The following CHLSN variants were observed in gnomAD, a reference collection of about 807,000 sequenced individuals.
The protein encoded by CHLSN is protein cholesin.
chr7:1,020,241 G>A, the CHLSN span, among the ~76,000 whole-genome samples: 3 of 152,186 alleles, frequency 2.0e-5, no homozygotes, highest in Admixed American at 6.5e-5. Flanking sequence ...GTGAACACGC[G>A]CTGCAGCCTC....
the CHLSN span, among the ~76,000 whole-genome samples, chr7:987,945 CTG>C: frequency 0.029 from 4,004 of 136,142 alleles, 161 homozygotes; most frequent in African/African-American, 0.096. Context: ...GGGGGGTCCC[CTG>C]TGTGTCCTGG....
the CHLSN span, chr7:1,028,177 C>A: frequency 2.1e-6 from 2 of 944,610 alleles, no homozygotes. Flanking sequence ...GCCCACCTGT[C>A]GCCGCGGGGC....
At chr7:1,040,904 A>ACGTG in the CHLSN span, among the ~76,000 whole-genome samples, 1 of 152,256 alleles carries the variant, frequency 6.6e-6, no homozygotes, top group Non-Finnish European at 1.5e-5. Flanking sequence ...GCAAAGGCAG[A>ACGTG]CGTGCCGGCT....
the CHLSN span, among the ~76,000 whole-genome samples, chr7:1,086,624 G>A: frequency 5.3e-5 from 8 of 152,304 alleles, no homozygotes; most frequent in East Asian, 1.4e-3. Context: ...GAGTGCCCCT[G>A]GAGGCCCAGC....
chr7:1,059,904 A>AGGCAGGTCTTAGTGG, the CHLSN span, among the ~76,000 whole-genome samples: 1 of 21,912 alleles, frequency 4.6e-5, no homozygotes, highest in African/African-American at 1.9e-4. Context: ...GGTCTTAGTG[A>AGGCAGGTCTTAGTGG]GGCGGGTCTT....
chr7:985,459 G>A, the CHLSN span: 14 of 1,040,530 alleles, frequency 1.3e-5, no homozygotes, highest in Non-Finnish European at 1.9e-5. Flanking sequence ...CAGATGCAAG[G>A]GCCTGAATCA....
the CHLSN span, among the ~76,000 whole-genome samples, chr7:1,111,654 G>T: frequency 5.3e-5 from 8 of 152,168 alleles, no homozygotes; most frequent in African/African-American, 1.7e-4. Flanking sequence ...ACAAAATTTA[G>T]CTGGGCATGG....
the CHLSN span, among the ~76,000 whole-genome samples, chr7:1,131,910 G>A: frequency 1.3e-5 from 2 of 152,248 alleles, no homozygotes; most frequent in African/African-American, 2.4e-5. Flanking sequence ...GGAAAATGAC[G>A]TTTACTTTCA....
At chr7:1,063,261 G>A in the CHLSN span, among the ~76,000 whole-genome samples, 12 of 152,242 alleles carry the variant, frequency 7.9e-5, no homozygotes, top group African/African-American at 2.9e-4. Context: ...ACAGATGGGA[G>A]GTGTCCTGAG....
At chr7:978,911 G>A in the CHLSN span, among the ~76,000 whole-genome samples, 1 of 152,256 alleles carries the variant, frequency 6.6e-6, no homozygotes, top group Admixed American at 6.5e-5. Context: ...ATCCACTCAC[G>A]ATGGCACACG....
At chr7:1,041,719 A>C in the CHLSN span, among the ~76,000 whole-genome samples, 1 of 151,992 alleles carries the variant, frequency 6.6e-6, no homozygotes, top group South Asian at 2.1e-4. Flanking sequence ...GGCACACACT[A>C]TCAGACTCAC....
the CHLSN span, among the ~76,000 whole-genome samples, chr7:1,069,120 G>A: frequency 6.6e-6 from 1 of 152,160 alleles, no homozygotes; most frequent in Non-Finnish European, 1.5e-5. Flanking sequence ...ATCACCTGAG[G>A]TCTGGAGTTC....
At chr7:989,221 C>T in the CHLSN span, 2 of 220,058 alleles carry the variant, frequency 9.1e-6, no homozygotes, top group Non-Finnish European at 1.8e-5. Context: ...GTGTCCTCAG[C>T]GTGCGAGCCC....
chr7:1,009,041 G>GGA, the CHLSN span, among the ~76,000 whole-genome samples: 5 of 150,742 alleles, frequency 3.3e-5, no homozygotes, highest in African/African-American at 9.8e-5. Flanking sequence ...GTACACACAT[G>GGA]CACACACGTA....
the CHLSN span, among the ~76,000 whole-genome samples, chr7:1,119,883 A>T: frequency 1.2e-4 from 18 of 147,050 alleles, no homozygotes; most frequent in African/African-American, 4.4e-4. Context: ...GTCAAAAAAA[A>T]AAAAAAGGGG....
At chr7:1,044,231 T>A in the CHLSN span, among the ~76,000 whole-genome samples, 2 of 152,206 alleles carry the variant, frequency 1.3e-5, no homozygotes, top group Non-Finnish European at 1.5e-5. Context: ...TTAGGGTATA[T>A]TCTGACTCAG....
chr7:988,742 G>A, the CHLSN span: 2 of 1,599,372 alleles, frequency 1.3e-6, no homozygotes. Context: ...CGTCAGTCCG[G>A]CCTCCCTGGA....
the CHLSN span, chr7:1,087,335 T>G: frequency 1.3e-5 from 2 of 152,246 alleles, no homozygotes; most frequent in Admixed American, 1.3e-4. Flanking sequence ...GGGTCCCTGG[T>G]CTGAATGCTT....
the CHLSN span, chr7:988,806 CG>C: frequency 6.3e-7 from 1 of 1,583,222 alleles, no homozygotes; most frequent in Non-Finnish European, 8.5e-7. Context: ...GCCCTGTGTG[CG>C]GTGCCCAGGC....
Sources: allele counts gnomAD v4.1 joint callset (sites outside exome capture counted in the v4.1 genomes callset), GRCh38; gene constraint gnomAD v4.1.1; transcripts MANE v1.5; gene names NCBI Gene and HGNC (gene_info 2026-07-23, HGNC 2026-07-21).